FAM91A1: variants seen among roughly 807,000 people sequenced by gnomAD.
FAM91A1 encodes protein FAM91A1.
FAM91A1 carries 41 observed loss-of-function variants against 113.5 expected under a neutral mutation model. The ratio of observed to expected loss-of-function variants is 0.36; its 90% CI spans 0.28 to 0.47. The LOEUF is 0.47. Ranked by LOEUF, FAM91A1 falls within the 20% of genes least tolerant of loss-of-function variation. The probability of loss-of-function intolerance (pLI) is 1.00; values close to 1 mark genes in which losing one functional copy is unlikely to be tolerated. For synonymous variants in FAM91A1, 307 were observed against 347.9 expected, an observed-to-expected ratio of 0.88 and a Z score of 1.31; for missense variants, 696 against 1,001.2, an observed-to-expected ratio of 0.70 and a Z score of 4.11.
chr8:123,776,643 T>C (rs999008157), intron 3 of FAM91A1, among the ~76,000 whole-genome samples: 9 of 152,370 alleles, frequency 5.9e-5, no homozygotes, highest in Non-Finnish European at 1.0e-4. Flanking sequence ...GTTTCACTTA[T>C]CAGCTTTCAT....
chr8:123,789,739 A>T lies in FAM91A1; in HGVS notation c.1405A>T (p.Asn469Tyr), dbSNP rs762945130. 8.1e-6 allele frequency: 13 copies of T among 1,610,868 alleles called. No homozygotes were observed. Among genetic ancestry groups the T allele is most frequent in the Non-Finnish European group, 1.0e-5 (12 of 1,178,706 alleles). The change falls in exon 15 of 24, where the codon AAT (asparagine) becomes TAT (tyrosine). Residue 469 changes from asparagine (N) to tyrosine (Y), a missense_variant. Physicochemically the swap from Asn to Tyr is moderately radical, Grantham distance 143. Transcript: ENST00000334705. ...GCAAACTGCACAGCCAGACCAACCC[A>T]ATTATGGTATGATAAATATATTTAA... ...VAQTAQPDQPNYGFPLDLLRC... is the reference protein window; with the variant it reads ...VAQTAQPDQPYYGFPLDLLRC...
At chr8:123,775,614 A>T (rs939376423) in intron 3 of FAM91A1, among the ~76,000 whole-genome samples, 10 of 152,152 alleles carry the variant, frequency 6.6e-5, no homozygotes, top group Non-Finnish European at 1.3e-4. Flanking sequence ...ATTGCTTTTT[A>T]AAACGTGATT....
In FAM91A1 at chr8:123,786,558, A is replaced by G; in HGVS notation, c.1026A>G (p.Val342=). 2 of 1,614,160 alleles carry G rather than the reference A, an allele frequency of 1.2e-6. No individual in the cohort carries two copies. The highest frequency in any genetic ancestry group is 1.7e-6 in the Non-Finnish European group (2 of 1,180,002). Residue 342 remains valine, a synonymous_variant, in exon 12 of 24, where the codon GTA becomes GTG. Transcript: ENST00000334705. ...SWDGGESRSP[V]QEASSATDTD... ...ATGGAGGGGAAAGTAGGAGTCCTGTACAAGAAGCTTCATCGGCAACTGACA... is the reference window on the plus strand; with the variant it reads ...ATGGAGGGGAAAGTAGGAGTCCTGTGCAAGAAGCTTCATCGGCAACTGACA...
intron 20 of FAM91A1, 140 bp from the exon 21 acceptor site, chr8:123,808,132 C>T: frequency 1.5e-6 from 1 of 653,124 alleles, no homozygotes. Context: ...TTTAAAACCA[C>T]TTATTTAAGC....
At chr8:123,797,589 C>G (rs1476891306) in intron 15 of FAM91A1, among the ~76,000 whole-genome samples, 1 of 151,786 alleles carries the variant, frequency 6.6e-6, no homozygotes, top group South Asian at 2.1e-4. Context: ...GATTTTTTTT[C>G]TAGTTTTATT....
At chr8:123,793,249 A>G (rs534154617) in intron 15 of FAM91A1, among the ~76,000 whole-genome samples, 5 of 152,050 alleles carry the variant, frequency 3.3e-5, no homozygotes, top group South Asian at 4.2e-4. Context: ...TTCTCTCACA[A>G]CTGATAAGCA....
In FAM91A1 at chr8:123,788,318, C is replaced by T. The variant is rs1454931211; in HGVS notation, c.1278+568C>T. On this transcript the variant is annotated intron_variant, in intron 14 of 23. Coordinates refer to ENST00000334705, the MANE Select transcript of FAM91A1 (RefSeq NM_144963.4). ...CCCTTTATTGGTGTTTTTCATTCTT[C>T]GGATATTTTATTCTGGCCTCTTTGT... 1.0e-5 allele frequency: 9 copies of T among 870,286 alleles called. No individual in the cohort carries two copies. In the South Asian group the frequency reaches 2.1e-4, roughly 20 times the overall value. 53.9% of individuals were successfully genotyped at this position (870,286 alleles called of 1,614,324 possible). A position where few individuals can be genotyped will look rare whatever the true frequency, so the allele number is the denominator to read the frequency against.
rs868119527 is a variant in FAM91A1, at chr8:123,769,315, C to T, written c.72+541C>T. Among the ~76,000 whole-genome samples, 4 of 152,236 alleles carry T rather than the reference C, an allele frequency of 2.6e-5. No homozygotes were observed. In the Middle Eastern group the frequency reaches 0.01, roughly 388 times the overall value. ...TCCAGGGGGAGGGAAAGTCATTTTA[C>T]AAAGCTTGGATGAGTGAAAGAACAT... On this transcript the variant is annotated intron_variant, in intron 1 of 23. Coordinates refer to ENST00000334705, the MANE Select transcript of FAM91A1 (RefSeq NM_144963.4).
At chr8:123,770,134 G>A (rs1021591132) in intron 1 of FAM91A1, among the ~76,000 whole-genome samples, 6 of 152,064 alleles carry the variant, frequency 3.9e-5, no homozygotes, top group Admixed American at 2.0e-4. Flanking sequence ...TGTATTTTTA[G>A]TAGAGACGGG....
chr8:123,815,286 G>C lies in FAM91A1; in HGVS notation c.*2582G>C, dbSNP rs1400872867. 1 of 151,854 alleles carries C rather than the reference G, an allele frequency of 6.6e-6. No individual in the cohort carries two copies. Among genetic ancestry groups the C allele is most frequent in the Non-Finnish European group, 1.5e-5 (1 of 67,880 alleles). 9.4% of individuals were successfully genotyped at this position (151,854 alleles called of 1,614,324 possible). A position where few individuals can be genotyped will look rare whatever the true frequency, so the allele number is the denominator to read the frequency against. ...GTGTTCAGTGTTTCAAATACAATTTGTATTTAAGGATTTTAAAATACCAAA... is the reference window on the plus strand; with the variant it reads ...GTGTTCAGTGTTTCAAATACAATTTCTATTTAAGGATTTTAAAATACCAAA... On this transcript the variant is annotated 3_prime_UTR_variant, in exon 24 of 24. Coordinates refer to ENST00000334705, the MANE Select transcript of FAM91A1 (RefSeq NM_144963.4).
At chr8:123,773,422 A>G (rs1303774715) in intron 1 of FAM91A1, among the ~76,000 whole-genome samples, 1 of 152,236 alleles carries the variant, frequency 6.6e-6, no homozygotes, top group East Asian at 1.9e-4. Context: ...ATATAATGTT[A>G]ACTATAATCA....
chr8:123,798,977 C>T (rs116893831), intron 16 of FAM91A1, among the ~76,000 whole-genome samples: 149 of 152,276 alleles, frequency 9.8e-4, no homozygotes, highest in Middle Eastern at 3.4e-3. Context: ...TGCACACCAC[C>T]GAACCTCTCC....
intron 18 of FAM91A1, among the ~76,000 whole-genome samples, chr8:123,800,569 G>A (rs1815648857): frequency 1.3e-5 from 2 of 152,096 alleles, no homozygotes; most frequent in African/African-American, 4.8e-5. Flanking sequence ...GGGTTTTAGT[G>A]TGTTCACAGA....
At chr8:123,773,290 T>C (rs1015052454) in intron 1 of FAM91A1, among the ~76,000 whole-genome samples, 14 of 152,248 alleles carry the variant, frequency 9.2e-5, no homozygotes, top group Admixed American at 2.6e-4. Context: ...TCCTCTGATC[T>C]TTCTGTCATT....
Position 123,805,344 on chromosome 8 carries a change from CT to C in FAM91A1, c.1882+9del, listed in dbSNP as rs773058824. On this transcript the variant is annotated splice_donor_region_variant and intron_variant, in intron 19 of 23. Coordinates refer to ENST00000334705, the MANE Select transcript of FAM91A1 (RefSeq NM_144963.4). Reference sequence around the variant, plus strand: ...ATGAAACAGAACTACAAGGAGGTACCTTTTGAATTGTATCTATTGACTTTTT... The same window carrying C: ...ATGAAACAGAACTACAAGGAGGTACCTTTGAATTGTATCTATTGACTTTTT... 8.1e-6 allele frequency: 13 copies of C among 1,601,374 alleles called. No homozygotes were observed. Among genetic ancestry groups the C allele is most frequent in the East Asian group, 6.7e-5 (3 of 44,630 alleles).
At chr8:123,787,606 G>A in intron 13 of FAM91A1, 58 bp from the exon 14 acceptor site, 2 of 1,340,484 alleles carry the variant, frequency 1.5e-6, no homozygotes, top group Non-Finnish European at 2.1e-6. Flanking sequence ...ATATTTGATA[G>A]TATGCTTAGC....
At chr8:123,777,152 CT>C in intron 3 of FAM91A1, 112 bp from the exon 4 acceptor site, 1 of 763,618 alleles carries the variant, frequency 1.3e-6, no homozygotes. Flanking sequence ...AAACTATGAT[CT>C]TACTGCTTCC....
chr8:123,799,259 G>A (rs1398069241), intron 16 of FAM91A1, among the ~76,000 whole-genome samples: 1 of 152,190 alleles, frequency 6.6e-6, no homozygotes, highest in Non-Finnish European at 1.5e-5. Flanking sequence ...CCTTCCTGAG[G>A]TGATATGGCT....
At chr8:123,794,905 T>C (rs1272982639) in intron 15 of FAM91A1, among the ~76,000 whole-genome samples, 3 of 152,204 alleles carry the variant, frequency 2.0e-5, no homozygotes, top group Admixed American at 6.5e-5. Context: ...TAAAAGACGA[T>C]TGTTAAATAA....
Sources: gnomAD v4.1 joint callset for allele counts (sites outside exome capture counted in the v4.1 genomes callset) on GRCh38, gnomAD v4.1.1 for gene constraint, MANE v1.5 for transcripts, NCBI Gene and HGNC (gene_info 2026-07-23, HGNC 2026-07-21) for gene names.